Variants in ASPRV1 observed in about 807,000 individuals in gnomAD.
ASPRV1 encodes the protein aspartic peptidase retroviral like 1.
In ASPRV1, 7 loss-of-function variants were observed where a neutral mutation model predicts 11.0. The observed-to-expected ratio is 0.64, with a 90% CI of 0.36 to 1.20. The LOEUF (loss-of-function observed/expected upper bound fraction) is 1.20, where lower values mean the gene tolerates loss of function less well. Ranked by LOEUF, ASPRV1 falls within the 50% of genes most tolerant of loss-of-function variation. The pLI is 0.02. For synonymous variants in ASPRV1, 136 were observed against 138.4 expected (o/e 0.98, Z 0.12); for missense variants, 299 against 320.0 (o/e 0.93, Z 0.50).
At chr2:69,957,458 T>C (rs7577762), downstream of ASPRV1, among the ~76,000 whole-genome samples, 24,685 of 150,840 alleles carry the variant, frequency 0.16, 2,615 homozygotes, top group East Asian at 0.29. Context: ...TAAAGAATTA[T>C]CTAGTATGGT....
chr2:69,951,714 A>G, the ASPRV1 span, among the ~76,000 whole-genome samples: 1 of 152,034 alleles, frequency 6.6e-6, no homozygotes, highest in Non-Finnish European at 1.5e-5. Context: ...GAAAGAATAA[A>G]CAAAGCAATA....
the ASPRV1 span, among the ~76,000 whole-genome samples, chr2:69,951,584 T>TAG: frequency 1.3e-4 from 19 of 150,256 alleles, no homozygotes; most frequent in African/African-American, 4.6e-4. Context: ...TAAACATATA[T>TAG]ATAGATAGAT....
At chr2:70,084,555 G>A in the ASPRV1 span, among the ~76,000 whole-genome samples, 3 of 152,202 alleles carry the variant, frequency 2.0e-5, no homozygotes, top group Non-Finnish European at 2.9e-5. Flanking sequence ...ATTTCAGGAG[G>A]TTTTGTGAGG....
chr2:70,083,282 C>T, the ASPRV1 span, among the ~76,000 whole-genome samples: 12 of 152,210 alleles, frequency 7.9e-5, no homozygotes, highest in Non-Finnish European at 1.5e-4. Context: ...GGCTGTGTAA[C>T]GTTGGGCAAG....
the ASPRV1 span, chr2:69,996,866 A>C: frequency 5.9e-6 from 2 of 339,216 alleles, no homozygotes; most frequent in East Asian, 1.6e-4. Flanking sequence ...ACCTCTGTCA[A>C]GGAGTGTGGA....
chr2:70,013,117 A>G, the ASPRV1 span, among the ~76,000 whole-genome samples: 2 of 152,358 alleles, frequency 1.3e-5, no homozygotes, highest in Non-Finnish European at 1.5e-5. Flanking sequence ...AAATGTGCCT[A>G]CATTTAGAAG....
the ASPRV1 span, chr2:69,937,354 C>T: frequency 2.4e-5 from 38 of 1,613,604 alleles, no homozygotes; most frequent in African/African-American, 1.2e-4. Context: ...TGGACAGCAT[C>T]GGCTCCACCG....
chr2:70,074,447 C>G, the ASPRV1 span, among the ~76,000 whole-genome samples: 4 of 151,550 alleles, frequency 2.6e-5, no homozygotes, highest in African/African-American at 9.7e-5. Flanking sequence ...CACCACCACA[C>G]CTGGCCTTTT....
the ASPRV1 span, among the ~76,000 whole-genome samples, chr2:70,070,106 G>A: frequency 2.7e-5 from 4 of 149,914 alleles, no homozygotes; most frequent in South Asian, 6.3e-4. Context: ...TTGAACCCAG[G>A]AGGCAGAAGT....
the ASPRV1 span, chr2:70,085,473 C>T: frequency 1.2e-3 from 187 of 152,328 alleles, 1 homozygote; most frequent in African/African-American, 4.2e-3. Context: ...AAATGACAAG[C>T]TCACCTAAAC....
At chr2:70,037,935 C>CACTA in the ASPRV1 span, among the ~76,000 whole-genome samples, 7 of 152,168 alleles carry the variant, frequency 4.6e-5, no homozygotes, top group African/African-American at 7.2e-5. Flanking sequence ...TTTGTCCTAA[C>CACTA]ACTATCCTTT....
chr2:70,001,482 G>C, the ASPRV1 span, among the ~76,000 whole-genome samples: 1 of 151,726 alleles, frequency 6.6e-6, no homozygotes, highest in African/African-American at 2.4e-5. Flanking sequence ...ATGTGGCTGG[G>C]GTTGGTGGTT....
chr2:70,040,017 T>C, the ASPRV1 span, among the ~76,000 whole-genome samples: 3 of 152,312 alleles, frequency 2.0e-5, no homozygotes, highest in South Asian at 6.2e-4. Context: ...CAATATAATT[T>C]GGCTTGAGAC....
chr2:70,059,029 A>G, the ASPRV1 span, among the ~76,000 whole-genome samples: 1 of 149,924 alleles, frequency 6.7e-6, no homozygotes, highest in Non-Finnish European at 1.5e-5. Flanking sequence ...CTGGGACTAC[A>G]GGCGCCCGCC....
chr2:69,982,690 C>CA, the ASPRV1 span, among the ~76,000 whole-genome samples: 1 of 152,142 alleles, frequency 6.6e-6, no homozygotes, highest in Non-Finnish European at 1.5e-5. Flanking sequence ...GCAGGGAAGA[C>CA]AGAGTCATGC....
chr2:69,961,660 A>C (rs1343341250), upstream of ASPRV1: 1 of 1,562,008 alleles, frequency 6.4e-7, no homozygotes, highest in African/African-American at 1.4e-5. Flanking sequence ...AGCCTTTTTG[A>C]TGCCTAGGCT....
chr2:69,998,807 G>A, the ASPRV1 span, among the ~76,000 whole-genome samples: 7 of 152,010 alleles, frequency 4.6e-5, no homozygotes, highest in African/African-American at 1.4e-4. Context: ...GAGCTAACCC[G>A]CAGGAAATGC....
chr2:70,012,837 G>GA, the ASPRV1 span, among the ~76,000 whole-genome samples: 2 of 151,946 alleles, frequency 1.3e-5, no homozygotes, highest in Admixed American at 6.6e-5. Flanking sequence ...TTTTTATTAG[G>GA]AAAAAAATGA....
At chr2:70,034,422 T>C in the ASPRV1 span, among the ~76,000 whole-genome samples, 1 of 151,572 alleles carries the variant, frequency 6.6e-6, no homozygotes, top group African/African-American at 2.4e-5. Flanking sequence ...ATACAAAAAA[T>C]TAGCCAGGCG....
Sources: allele counts gnomAD v4.1 joint callset (sites outside exome capture counted in the v4.1 genomes callset), GRCh38; gene constraint gnomAD v4.1.1; transcripts MANE v1.5; gene names NCBI Gene and HGNC (gene_info 2026-07-23, HGNC 2026-07-21).